The following TLL1 variants were observed in gnomAD, a reference collection of about 807,000 sequenced individuals.
TLL1 encodes tolloid-like protein 1.
A neutral mutation model predicts 128.2 loss-of-function variants in TLL1; 49 were observed. The ratio of observed to expected loss-of-function variants is 0.38; its 90% CI spans 0.30 to 0.48. The LOEUF is 0.48. Among genes scored for constraint, TLL1 ranks in the 20% least tolerant of loss-of-function variants. The probability of loss-of-function intolerance (pLI) is 0.96; values close to 1 mark genes in which losing one functional copy is unlikely to be tolerated. For synonymous variants in TLL1, 454 were observed against 418.8 expected, an observed-to-expected ratio of 1.08 and a Z score of -1.03; for missense variants, 1,123 against 1,242.0, an observed-to-expected ratio of 0.90 and a Z score of 1.44.
chr4:165,921,492 C>G (rs117048973), intron 1 of TLL1, among the ~76,000 whole-genome samples: 1 of 152,174 alleles, frequency 6.6e-6, no homozygotes, highest in Non-Finnish European at 1.5e-5. Context: ...CCTTCTCTTT[C>G]TTTCTTAACA....
chr4:166,054,465 G>A (rs1180973795), intron 12 of TLL1, among the ~76,000 whole-genome samples: 5 of 151,692 alleles, frequency 3.3e-5, no homozygotes, highest in African/African-American at 4.8e-5. Context: ...TGCACATTGC[G>A]CAGGTTAGTT....
At chr4:165,963,704 A>C (rs975164681) in intron 1 of TLL1, among the ~76,000 whole-genome samples, 1 of 152,192 alleles carries the variant, frequency 6.6e-6, no homozygotes. Context: ...TAAGGAGTAC[A>C]AGTGATGCTC....
At chr4:166,098,104 C>G (rs1281050960) in intron 19 of TLL1, among the ~76,000 whole-genome samples, 4 of 151,930 alleles carry the variant, frequency 2.6e-5, no homozygotes, top group African/African-American at 9.7e-5. Context: ...GAGGCTAAGG[C>G]AGGTGGATCA....
chr4:166,008,161 C>T (rs1389678669), intron 7 of TLL1, 113 bp downstream of exon 7: 8 of 711,370 alleles, frequency 1.1e-5, no homozygotes, highest in African/African-American at 7.2e-5. Context: ...TGCTACCTCA[C>T]TGCAGAAAGT....
chr4:165,932,528 A>G (rs1159513758), intron 1 of TLL1, among the ~76,000 whole-genome samples: 2 of 151,108 alleles, frequency 1.3e-5, no homozygotes, highest in Non-Finnish European at 2.9e-5. Flanking sequence ...CAGCATCTGC[A>G]GTAACTGTGC....
chr4:165,967,649 A>G (rs1261230426), intron 1 of TLL1, among the ~76,000 whole-genome samples: 2 of 152,314 alleles, frequency 1.3e-5, no homozygotes, highest in East Asian at 1.9e-4. Context: ...GTGGCATGCC[A>G]GAGGCCAATA....
intron 1 of TLL1, among the ~76,000 whole-genome samples, chr4:165,913,109 A>G (rs1175582956): frequency 6.6e-6 from 1 of 152,202 alleles, no homozygotes; most frequent in East Asian, 1.9e-4. Context: ...TTTCTTATTT[A>G]AATAACAAGT....
chr4:165,921,199 A>G (rs1283299316), intron 1 of TLL1, among the ~76,000 whole-genome samples: 2 of 152,204 alleles, frequency 1.3e-5, no homozygotes, highest in Non-Finnish European at 2.9e-5. Context: ...GTGCCTTGCT[A>G]AGTATAACAA....
chr4:165,894,660 G>A (rs966312411), intron 1 of TLL1, among the ~76,000 whole-genome samples: 4 of 152,172 alleles, frequency 2.6e-5, no homozygotes, highest in African/African-American at 7.2e-5. Flanking sequence ...AACAGAAGTT[G>A]TGAGAGCAGA....
chr4:166,104,217 A>T lies in TLL1; in HGVS notation c.*3341A>T, dbSNP rs754241202. ...AATCTCTAAAAGCATCAAATGACTA[A>T]TTTTATTTTTGCAAGGTTAAAATTT... On this transcript the variant is annotated 3_prime_UTR_variant, in exon 21 of 21. Coordinates refer to ENST00000061240, the MANE Select transcript of TLL1 (RefSeq NM_012464.5). 4.6e-5 allele frequency among the ~76,000 whole-genome samples: 7 copies of T among 151,950 alleles called. No homozygotes were observed. Among genetic ancestry groups the T allele is most frequent in the Non-Finnish European group, 1.0e-4 (7 of 67,926 alleles).
At chr4:166,082,080 GTA>G (rs1333315492) in intron 18 of TLL1, among the ~76,000 whole-genome samples, 1 of 152,150 alleles carries the variant, frequency 6.6e-6, no homozygotes, top group Non-Finnish European at 1.5e-5. Context: ...CTTTCACACA[GTA>G]TTAAACTTTA....
intron 1 of TLL1, among the ~76,000 whole-genome samples, chr4:165,932,644 CTT>C (rs5863789): frequency 1.5e-4 from 22 of 144,986 alleles, no homozygotes; most frequent in African/African-American, 5.4e-4. Context: ...AGATTTTCTT[CTT>C]TTTTTTTTTA....
chr4:165,969,014 C>T (rs1389657446), intron 1 of TLL1, among the ~76,000 whole-genome samples: 1 of 152,158 alleles, frequency 6.6e-6, no homozygotes, highest in Non-Finnish European at 1.5e-5. Flanking sequence ...CATTGAGATG[C>T]TTTGCGTTTA....
chr4:165,976,314 A>G (rs1468093381), intron 1 of TLL1, among the ~76,000 whole-genome samples: 1 of 152,180 alleles, frequency 6.6e-6, no homozygotes, highest in Non-Finnish European at 1.5e-5. Flanking sequence ...CACTTAGAAA[A>G]TATAGTTTAA....
intron 5 of TLL1, among the ~76,000 whole-genome samples, chr4:166,002,703 C>T (rs1166191493): frequency 6.6e-6 from 1 of 152,100 alleles, no homozygotes; most frequent in Non-Finnish European, 1.5e-5. Flanking sequence ...GGTTGGCCTT[C>T]CGAAGTGCTA....
intron 12 of TLL1, among the ~76,000 whole-genome samples, chr4:166,045,491 C>T (rs1739423040): frequency 6.6e-6 from 1 of 152,032 alleles, no homozygotes; most frequent in Admixed American, 6.6e-5. Context: ...CACCACTGTT[C>T]TCATCATCAC....
At chr4:165,874,094 G>T in intron 1 of TLL1, 21 bp downstream of exon 1, 1 of 1,613,846 alleles carries the variant, frequency 6.2e-7, no homozygotes, top group South Asian at 1.1e-5. Context: ...CTCCAGGTTG[G>T]GACGGTGGCG....
In TLL1 at chr4:165,923,013, T is replaced by G. The variant is rs549279629; in HGVS notation, c.169+48940T>G. ...ATCATTAGCTGGCTTGTACTTGTCT[T>G]GGAAACATTACAAAAAAAGTGCCCC... is the stretch of plus-strand genomic sequence containing the variant. On this transcript the variant is annotated intron_variant, in intron 1 of 20. Coordinates refer to ENST00000061240, the MANE Select transcript of TLL1 (RefSeq NM_012464.5). 2.6e-5 allele frequency among the ~76,000 whole-genome samples: 4 copies of G among 152,294 alleles called. No individual in the cohort carries two copies. In the South Asian group the frequency reaches 8.3e-4, roughly 32 times the overall value.
chr4:166,047,357 G>A (rs1422386999), intron 12 of TLL1, among the ~76,000 whole-genome samples: 2 of 151,034 alleles, frequency 1.3e-5, no homozygotes, highest in African/African-American at 2.4e-5. Context: ...GTAGAGACAG[G>A]GTTTCACCAT....
Sources: allele counts gnomAD v4.1 joint callset (sites outside exome capture counted in the v4.1 genomes callset), GRCh38; gene constraint gnomAD v4.1.1; transcripts MANE v1.5; gene names NCBI Gene and HGNC (gene_info 2026-07-23, HGNC 2026-07-21).